Variants in ATF6B observed in about 807,000 individuals in gnomAD.
ATF6B encodes activating transcription factor 6 beta, also known as cyclic AMP-dependent transcription factor ATF-6 beta.
Under a neutral mutation model 83.5 loss-of-function variants are expected in ATF6B, and 50 were observed. The ratio of observed to expected loss-of-function variants is 0.60; its 90% CI spans 0.48 to 0.76. The LOEUF (loss-of-function observed/expected upper bound fraction) is 0.76, where lower values mean the gene tolerates loss of function less well. Among genes scored for constraint, ATF6B ranks in the 30% least tolerant of loss-of-function variants. The probability of loss-of-function intolerance (pLI) is 0.00; values close to 1 mark genes in which losing one functional copy is unlikely to be tolerated. For missense variants in ATF6B, 790 were observed against 893.8 expected, an observed-to-expected ratio of 0.88 and a Z score of 1.48; for synonymous variants, 344 against 362.8, an observed-to-expected ratio of 0.95 and a Z score of 0.59.
rs1276765708 is a variant in ATF6B, at chr6:32,117,820, AC to A, written c.1424+38del. On this transcript the variant is annotated intron_variant, in intron 12 of 17. Coordinates refer to ENST00000375203, the MANE Select transcript of ATF6B (RefSeq NM_004381.5). This position sits in a 1 kb window ranked among gnomAD's most constrained non-coding sequence, Gnocchi z 5.0. The stretch of plus-strand genomic sequence containing the variant: ...GAAAGCGGGGAGAAGACCAACTCAT[AC>A]CCTCAAACGAGAGGGGGCCCTCTCT... 3.9e-6 allele frequency: 6 copies of A among 1,557,274 alleles called. No homozygotes were observed. The highest frequency in any genetic ancestry group is 5.2e-6 in the Non-Finnish European group (6 of 1,153,414).
At position 32,116,717 on chromosome 6, in the gene ATF6B, A is replaced by C. The variant is rs751504502; in HGVS notation, c.1784T>G (p.Val595Gly). 1.9e-6 allele frequency: 3 copies of C among 1,614,128 alleles called. No individual in the cohort carries two copies. The South Asian group carries it at 3.3e-5, about 18-fold the overall frequency. The change falls in exon 16 of 18, where the codon GTC becomes GGC. Residue 595 changes from valine (V) to glycine (G), a missense_variant. By Grantham distance (109) the Val-to-Gly change is moderately radical (BLOSUM62 -3). Around this residue, in one of 3 missense-constraint regions of ATF6B, gnomAD observed 530 missense variants for 632.6 expected, o/e 0.84. Coordinates refer to ENST00000375203, the MANE Select transcript of ATF6B (RefSeq NM_004381.5). This position sits in a 1 kb window ranked among gnomAD's most constrained non-coding sequence, Gnocchi z 5.1. ...IDRREDTFYVVSFRRDHLLLP... is the reference protein window; with the variant it reads ...IDRREDTFYVGSFRRDHLLLP... The stretch of plus-strand genomic sequence containing the variant: ...GGAGAAACTCACCCTTCGGAAAGAG[A>C]CAACATAAAATGTGTCTTCCCGTCG...
chr6:32,127,803 T>A, intron 1 of ATF6B, 53 bp from the exon 2 acceptor site: 2 of 1,577,784 alleles, frequency 1.3e-6, no homozygotes, highest in South Asian at 1.1e-5. Flanking sequence ...AGCCTACAGA[T>A]CGCACACAAG....
chr6:32,121,568 G>A (rs777348838), intron 5 of ATF6B, among the ~76,000 whole-genome samples: 55 of 152,130 alleles, frequency 3.6e-4, no homozygotes, highest in Non-Finnish European at 6.0e-4. Context: ...CGGGCATGGT[G>A]GCGCATCCCT....
Position 32,128,132 on chromosome 6 carries a change from C to T in ATF6B, c.76G>A (p.Asp26Asn), listed in dbSNP as rs904077443. Residue 26 changes from aspartate to asparagine, a missense_variant, in exon 1 of 18, where the codon GAC becomes AAC. This residue lies in a region of ATF6B where 253 missense variants were observed against 243.1 expected (regional missense o/e 1.04). Coordinates refer to ENST00000375203, the MANE Select transcript of ATF6B (RefSeq NM_004381.5). ...GGTGCCTCACTCTGCAGACCCCAGT[C>T]CTCCGGGCTAAGCAGGTTGTCGGTG... ...FFTDNLLSPE[D>N]WGLQNSTLYS... The T allele has an allele frequency of 5.0e-6, 8 of 1,613,406 alleles. No individual in the cohort carries two copies. The highest frequency in any genetic ancestry group is 1.1e-5 in the South Asian group (1 of 91,082).
intron 4 of ATF6B, 132 bp from the exon 5 acceptor site, chr6:32,126,384 T>A: frequency 8.8e-7 from 1 of 1,136,168 alleles, no homozygotes; most frequent in Non-Finnish European, 1.2e-6. Flanking sequence ...GACATTCTGG[T>A]CTGAATGGTA....
chr6:32,126,763 G>A (rs919692647), intron 4 of ATF6B, among the ~76,000 whole-genome samples: 1 of 152,134 alleles, frequency 6.6e-6, no homozygotes, highest in African/African-American at 2.4e-5. Context: ...AGGAGGCTGA[G>A]GCAGGAGGAT....
rs1318963439 is a variant in ATF6B at position 32,125,696 on chromosome 6, G to A, written c.478+421C>T. On this transcript the variant is annotated intron_variant, in intron 5 of 17. Coordinates refer to ENST00000375203, the MANE Select transcript of ATF6B (RefSeq NM_004381.5). This position sits in a 1 kb window ranked among gnomAD's most constrained non-coding sequence, Gnocchi z 4.1. ...GAATCACTTGAACCTGGGAGGTGGAGGTTGCAGTGAGCTGAGACCACACCA... is the reference window on the plus strand; with the variant it reads ...GAATCACTTGAACCTGGGAGGTGGAAGTTGCAGTGAGCTGAGACCACACCA... 1.3e-5 allele frequency among the ~76,000 whole-genome samples: 2 copies of A among 152,190 alleles called. No homozygotes were observed.
chr6:32,122,467 G>A (rs1269294795), intron 5 of ATF6B, among the ~76,000 whole-genome samples: 1 of 152,110 alleles, frequency 6.6e-6, no homozygotes, highest in Non-Finnish European at 1.5e-5. Context: ...TGATCACTAA[G>A]ATTGCTTTTT....
In ATF6B at chr6:32,119,761, A is replaced by C; in HGVS notation, c.966+63T>G. 1 of 1,587,878 alleles carries C rather than the reference A, an allele frequency of 6.3e-7. No individual in the cohort carries two copies. The highest frequency in any genetic ancestry group is 1.7e-5 in the Admixed American group (1 of 58,150). Reference sequence around the variant, plus strand: ...CCCTCCTCATCCCACAGTTCTCTCTATGGCAAGACTTCCCTCTTCCCTTCC... The same window carrying C: ...CCCTCCTCATCCCACAGTTCTCTCTCTGGCAAGACTTCCCTCTTCCCTTCC... On this transcript the variant is annotated intron_variant, in intron 9 of 17. Transcript: ENST00000375203. This position sits in a 1 kb window ranked among gnomAD's most constrained non-coding sequence, Gnocchi z 4.9.
chr6:32,122,614 C>T (rs1405410616), intron 5 of ATF6B, among the ~76,000 whole-genome samples: 2 of 151,386 alleles, frequency 1.3e-5, no homozygotes, highest in Non-Finnish European at 2.9e-5. Flanking sequence ...TTTGGGAGGC[C>T]GAGGCAGGTG....
Position 32,126,231 on chromosome 6 carries a change from G to A in ATF6B, c.364C>T (p.Leu122Phe), listed in dbSNP as rs1262441082. ...SSEALGVGEV[L>F]HVKTESLAPP... ...GCCAAGGACTCTGTCTTCACATGGAGCACCTCCCCTACCCCAAGAGCCTGG... is the reference window on the plus strand; with the variant it reads ...GCCAAGGACTCTGTCTTCACATGGAACACCTCCCCTACCCCAAGAGCCTGG... Residue 122 changes from leucine to phenylalanine, a missense_variant, in exon 5 of 18, where the codon CTC (leucine) becomes TTC (phenylalanine). By Grantham distance (22) the Leu-to-Phe change is conservative. Transcript: ENST00000375203. The A allele has an allele frequency of 1.4e-5, 23 of 1,614,066 alleles. No individual in the cohort carries two copies. Among genetic ancestry groups the A allele is most frequent in the Non-Finnish European group, 1.9e-5 (22 of 1,180,000 alleles).
chr6:32,120,483 C>T (rs1285659564), intron 8 of ATF6B: 25 of 223,502 alleles, frequency 1.1e-4, no homozygotes, highest in African/African-American at 5.3e-4. Context: ...CAAAGTCTCG[C>T]TTTGTCGCCC....
In ATF6B at chr6:32,117,264, GACAA is replaced by G; in HGVS notation, c.1614+55_1614+58del. 1.3e-6 allele frequency: 2 copies of G among 1,582,466 alleles called. No individual in the cohort carries two copies. Among genetic ancestry groups the G allele is most frequent in the Non-Finnish European group, 1.7e-6 (2 of 1,158,292 alleles). Reference sequence around the variant, plus strand: ...GCGAGATGCCCACTAGAAATCCCCAGACAAGGCCTTTAGCCCTTGTCTTCAAGTG... The same window carrying G: ...GCGAGATGCCCACTAGAAATCCCCAGGGCCTTTAGCCCTTGTCTTCAAGTG... On this transcript the variant is annotated intron_variant, in intron 14 of 17. Coordinates refer to ENST00000375203, the MANE Select transcript of ATF6B (RefSeq NM_004381.5). This position sits in a 1 kb window ranked among gnomAD's most constrained non-coding sequence, Gnocchi z 5.0.
intron 8 of ATF6B, 196 bp downstream of exon 8, chr6:32,120,575 C>G (rs566759158): frequency 3.7e-6 from 2 of 547,706 alleles, no homozygotes; most frequent in Non-Finnish European, 5.9e-6. Context: ...CTCAGCCTCC[C>G]GAGGAGCTGG....
At position 32,116,747 on chromosome 6, in the gene ATF6B, A is replaced by G. The variant is rs1781544659; in HGVS notation, c.1754T>C (p.Ile585Thr). Reference sequence around the variant, plus strand: ...ATAAAATGTGTCTTCCCGTCGGTCAATTGCATCCAAGAATGCTGGCTGCGA... The same window carrying G: ...ATAAAATGTGTCTTCCCGTCGGTCAGTTGCATCCAAGAATGCTGGCTGCGA... ...DRSQPAFLDA[I>T]DRREDTFYVV... The change falls in exon 16 of 18, where the codon ATT becomes ACT. Residue 585 changes from isoleucine (I) to threonine (T), a missense_variant. Physicochemically the swap from Ile to Thr is moderately conservative, Grantham distance 89 (BLOSUM62 -1). Coordinates refer to ENST00000375203, the MANE Select transcript of ATF6B (RefSeq NM_004381.5). This position sits in a 1 kb window ranked among gnomAD's most constrained non-coding sequence, Gnocchi z 5.1. The G allele has an allele frequency of 1.2e-6, 2 of 1,614,046 alleles. No individual in the cohort carries two copies. The highest frequency in any genetic ancestry group is 1.7e-5 in the Admixed American group (1 of 60,008).
intron 5 of ATF6B, among the ~76,000 whole-genome samples, chr6:32,122,975 T>C (rs1426571433): frequency 6.6e-6 from 1 of 151,888 alleles, no homozygotes; most frequent in Non-Finnish European, 1.5e-5. Flanking sequence ...ATCCCAGCAC[T>C]TTGGGAGGCC....
intron 8 of ATF6B, chr6:32,120,396 C>T (rs982205206): frequency 1.9e-5 from 3 of 155,794 alleles, no homozygotes; most frequent in Middle Eastern, 3.2e-3. Flanking sequence ...CTGTGCCTGG[C>T]CTTTTTTTTT....
In ATF6B at chr6:32,128,196, C is replaced by T; in HGVS notation, c.12G>A (p.Leu4=). 6.2e-7 allele frequency: 1 copy of T among 1,612,078 alleles called. No individual in the cohort carries two copies. The highest frequency in any genetic ancestry group is 8.5e-7 in the Non-Finnish European group (1 of 1,179,712). Residue 4 remains leucine, a synonymous_variant, in exon 1 of 18, where the codon CTG becomes CTA. Transcript: ENST00000375203. ...GGTCAGCAATCTCGCTGAGCAGCAT[C>T]AGCTCCGCCATCTTTCCCCCCCACC... MAE[L]MLLSEIADPT...
intron 5 of ATF6B, among the ~76,000 whole-genome samples, chr6:32,124,765 C>T (rs1781899450): frequency 6.6e-6 from 1 of 152,160 alleles, no homozygotes; most frequent in South Asian, 2.1e-4. Context: ...TCTCAGGAAA[C>T]CCTTCTTCCA....
Sources: gnomAD v4.1 joint callset for allele counts (sites outside exome capture counted in the v4.1 genomes callset) on GRCh38, gnomAD v4.1.1 for gene constraint, gnomAD v4.1.1 regional missense constraint, Gnocchi (gnomAD v3.1) non-coding constraint, MANE v1.5 for transcripts, NCBI Gene and HGNC (gene_info 2026-07-23, HGNC 2026-07-21) for gene names.